The following WDR41 variants were observed in gnomAD, a reference collection of about 807,000 sequenced individuals.
WDR41 encodes the protein WD repeat-containing protein 41.
WDR41 carries 63 observed loss-of-function variants against 69.3 expected under a neutral mutation model. The observed-to-expected ratio is 0.91, with a 90% CI of 0.74 to 1.12. The LOEUF (loss-of-function observed/expected upper bound fraction) is 1.12. Ranked by LOEUF, WDR41 falls within the 50% of genes most tolerant of loss-of-function variation. The pLI is 0.00. For missense variants in WDR41, 543 were observed against 534.5 expected, an observed-to-expected ratio of 1.02 and a Z score of -0.16; for synonymous variants, 185 against 192.1, an observed-to-expected ratio of 0.96 and a Z score of 0.31.
intron 1 of WDR41, among the ~76,000 whole-genome samples, chr5:77,570,653 T>A (rs1245974453): frequency 6.6e-6 from 1 of 151,604 alleles, no homozygotes; most frequent in Non-Finnish European, 1.5e-5. Context: ...AGGTGCAAGT[T>A]CCAAATCAGA....
rs201532421 is a variant in WDR41 at position 77,468,507 on chromosome 5, TA to T, written c.168-3699del. Among the ~76,000 whole-genome samples the T allele has an allele frequency of 3.6e-3, 541 of 152,322 alleles. 5 individuals carry two copies. Among genetic ancestry groups the T allele is most frequent in the African/African-American group, 0.012 (512 of 41,582 alleles). On this transcript the variant is annotated intron_variant, in intron 2 of 12. Coordinates refer to ENST00000296679, the MANE Select transcript of WDR41 (RefSeq NM_018268.4). ...TACAGCAAAGCTTAATAAAGATTTG[TA>T]AAAAATAAATTGTTTTCACAATAAT...
intron 1 of WDR41, among the ~76,000 whole-genome samples, chr5:77,600,272 C>A (rs1032615763): frequency 2.6e-4 from 40 of 152,180 alleles, no homozygotes; most frequent in Middle Eastern, 3.4e-3. Context: ...TACCACTGAG[C>A]AAGAAAAAAC....
intron 1 of WDR41, among the ~76,000 whole-genome samples, chr5:77,528,559 C>A (rs1802481559): frequency 6.6e-6 from 1 of 151,590 alleles, no homozygotes; most frequent in Non-Finnish European, 1.5e-5. Flanking sequence ...AATAGCAAAG[C>A]CTGACAAGAA....
At chr5:77,583,254 C>T (rs1350045597) in intron 1 of WDR41, 2 of 622,426 alleles carry the variant, frequency 3.2e-6, no homozygotes, top group African/African-American at 3.7e-5. Context: ...AGGCGCCGTC[C>T]CTGTTATCTC....
chr5:77,609,362 TCCCCGAC>T (rs1744493951), intron 1 of WDR41, among the ~76,000 whole-genome samples: 1 of 152,026 alleles, frequency 6.6e-6, no homozygotes, highest in Non-Finnish European at 1.5e-5. Flanking sequence ...CTCAAGTGGG[TCCCCGAC>T]CCCTGACCCC....
At chr5:77,539,710 G>A (rs963141776) in intron 1 of WDR41, among the ~76,000 whole-genome samples, 17 of 152,132 alleles carry the variant, frequency 1.1e-4, no homozygotes, top group African/African-American at 3.4e-4. Context: ...ACTTCAAATG[G>A]TTGCTTTAAA....
At chr5:77,592,070 A>G (rs1055208844) in intron 1 of WDR41, among the ~76,000 whole-genome samples, 5 of 152,126 alleles carry the variant, frequency 3.3e-5, no homozygotes, top group Admixed American at 1.3e-4. Flanking sequence ...CAAATTTAGA[A>G]CTATGTGGGA....
At chr5:77,603,889 T>C (rs958325969) in intron 1 of WDR41, among the ~76,000 whole-genome samples, 1 of 152,198 alleles carries the variant, frequency 6.6e-6, no homozygotes, top group African/African-American at 2.4e-5. Context: ...GTTATAAATA[T>C]GTGGATTTAT....
At chr5:77,617,460 A>C (rs1580056222) in intron 1 of WDR41, among the ~76,000 whole-genome samples, 1 of 152,226 alleles carries the variant, frequency 6.6e-6, no homozygotes, top group East Asian at 1.9e-4. Context: ...CTATAGAATC[A>C]GACATTCAAA....
intron 2 of WDR41, among the ~76,000 whole-genome samples, chr5:77,474,823 C>T (rs188483340): frequency 2.0e-5 from 3 of 152,202 alleles, no homozygotes; most frequent in South Asian, 4.1e-4. Context: ...CCAAGATGGC[C>T]CAATAGGAAC....
intron 1 of WDR41, chr5:77,582,244 G>T: frequency 1.3e-6 from 1 of 796,142 alleles, no homozygotes; most frequent in South Asian, 1.6e-5. Flanking sequence ...TAGATGAAAT[G>T]GACAAAATTC....
chr5:77,600,173 C>T (rs746742624), intron 1 of WDR41, among the ~76,000 whole-genome samples: 1 of 152,144 alleles, frequency 6.6e-6, no homozygotes, highest in Admixed American at 6.6e-5. Flanking sequence ...AATTACTGAT[C>T]TATGTACTCA....
At chr5:77,545,872 T>TA in intron 1 of WDR41, 1 of 579,968 alleles carries the variant, frequency 1.7e-6, no homozygotes, top group Non-Finnish European at 3.0e-6. Context: ...ATTGTCCCTG[T>TA]GCTACTGGGG....
intron 2 of WDR41, among the ~76,000 whole-genome samples, chr5:77,479,269 T>A (rs1392798279): frequency 6.6e-6 from 1 of 151,822 alleles, no homozygotes; most frequent in Non-Finnish European, 1.5e-5. Flanking sequence ...ATAGATTCAG[T>A]GCCATCCCCA....
At chr5:77,581,231 A>T (rs1430224152) in intron 1 of WDR41, among the ~76,000 whole-genome samples, 2 of 152,110 alleles carry the variant, frequency 1.3e-5, no homozygotes, top group African/African-American at 4.8e-5. Context: ...GACAAAAGAG[A>T]CCTTAAAACA....
intron 1 of WDR41, chr5:77,582,503 G>T: frequency 1.3e-6 from 2 of 1,599,652 alleles, no homozygotes; most frequent in East Asian, 2.2e-5. Context: ...AAGATGCTTC[G>T]AAAGGCAAGG....
intron 1 of WDR41, among the ~76,000 whole-genome samples, chr5:77,587,715 C>T (rs1744065725): frequency 1.3e-5 from 2 of 152,014 alleles, no homozygotes; most frequent in African/African-American, 2.4e-5. Flanking sequence ...TTTGAAGAAG[C>T]AATTAAATTA....
chr5:77,505,365 A>T (rs1427914152), intron 1 of WDR41, among the ~76,000 whole-genome samples: 1 of 152,190 alleles, frequency 6.6e-6, no homozygotes, highest in Non-Finnish European at 1.5e-5. Flanking sequence ...GCACTGCTCA[A>T]TGAAATAAAA....
intron 1 of WDR41, among the ~76,000 whole-genome samples, chr5:77,516,008 T>G (rs1427216192): frequency 6.6e-6 from 1 of 152,154 alleles, no homozygotes; most frequent in Non-Finnish European, 1.5e-5. Context: ...TCCCAATTTA[T>G]TTTACAACTG....
Sources: gnomAD v4.1 joint callset for allele counts (sites outside exome capture counted in the v4.1 genomes callset) on GRCh38, gnomAD v4.1.1 for gene constraint, MANE v1.5 for transcripts, NCBI Gene and HGNC (gene_info 2026-07-23, HGNC 2026-07-21) for gene names.